Variants in PASK observed in about 807,000 individuals in gnomAD.
PASK encodes the protein PAS domain-containing serine/threonine-protein kinase.
Under a neutral mutation model 121.0 loss-of-function variants are expected in PASK, and 110 were observed. The ratio of observed to expected loss-of-function variants is 0.91; its 90% CI spans 0.78 to 1.06. The LOEUF is 1.06. Among genes scored for constraint, PASK ranks in the 50% least tolerant of loss-of-function variants. The pLI is 0.00. For synonymous variants in PASK, 686 were observed against 717.8 expected, an observed-to-expected ratio of 0.96 and a Z score of 0.71; for missense variants, 1,643 against 1,702.3, an observed-to-expected ratio of 0.97 and a Z score of 0.61.
At chr2:241,136,109 G>C (rs1390150221) in intron 7 of PASK, 70 bp from the exon 8 acceptor site, 14 of 1,366,218 alleles carry the variant, frequency 1.0e-5, no homozygotes, top group Non-Finnish European at 1.5e-5. Flanking sequence ...GTCCCCCTGG[G>C]GGAGGAATGA....
chr2:241,117,430 C>A (rs943564084), intron 12 of PASK, among the ~76,000 whole-genome samples: 1 of 152,220 alleles, frequency 6.6e-6, no homozygotes, highest in Admixed American at 6.5e-5. Context: ...GTGAAGAGGC[C>A]TGCGGCCTGT....
intron 8 of PASK, 76 bp from the exon 9 acceptor site, chr2:241,133,106 C>G (rs1382522393): frequency 7.2e-7 from 1 of 1,390,062 alleles, no homozygotes; most frequent in Non-Finnish European, 1.0e-6. Context: ...TCGCCTGGAA[C>G]TCACTGAGAC....
chr2:241,132,459 ATGCAATG>A (rs1282620758), intron 9 of PASK, among the ~76,000 whole-genome samples: 1 of 128,490 alleles, frequency 7.8e-6, no homozygotes, highest in Non-Finnish European at 1.7e-5. Context: ...GGAGCTTGCA[ATGCAATG>A]AGCAATGAGC....
chr2:241,133,191 T>C (rs1419479600), intron 8 of PASK, 161 bp from the exon 9 acceptor site: 1 of 711,260 alleles, frequency 1.4e-6, no homozygotes, highest in Non-Finnish European at 2.5e-6. Flanking sequence ...CGCCCTCTTC[T>C]CTGCCTCCTG....
chr2:241,127,185 C>T lies in PASK; in HGVS notation c.1730G>A (p.Gly577Glu), dbSNP rs777290783. ...GTCTGAACCGCTGGGACCACTGACTCCCATCCGCTCTAGCTGGGCCTTCTG... is the reference window on the plus strand; with the variant it reads ...GTCTGAACCGCTGGGACCACTGACTTCCATCCGCTCTAGCTGGGCCTTCTG... ...LCQKAQLERM[G>E]VSGPSGSDLW... The change falls in exon 10 of 18, where the codon GGA becomes GAA. Residue 577 changes from glycine (G) to glutamate (E), a missense_variant. Transcript: ENST00000234040. 5 of 1,614,234 alleles carry T rather than the reference C, an allele frequency of 3.1e-6. No individual in the cohort carries two copies. In the South Asian group the frequency reaches 5.5e-5, roughly 18 times the overall value.
At chr2:241,132,422 C>T (rs1353044332) in intron 9 of PASK, among the ~76,000 whole-genome samples, 1 of 141,572 alleles carries the variant, frequency 7.1e-6, no homozygotes, top group African/African-American at 2.6e-5. Context: ...GAGGCTGAGG[C>T]AGGAGAATGG....
At chr2:241,145,707 T>C (rs2066922280) in intron 1 of PASK, 1 of 141,100 alleles carries the variant, frequency 7.1e-6, no homozygotes, top group Non-Finnish European at 1.6e-5. Context: ...AAACCCCATC[T>C]CTACTAAAAA....
rs759886465 is a variant in PASK at position 241,136,035 on chromosome 2, A to T, written c.1142T>A (p.Ile381Asn). The change falls in exon 8 of 18, where the codon ATC (isoleucine) becomes AAC (asparagine). Residue 381 changes from isoleucine to asparagine, a missense_variant. Physicochemically the swap from Ile to Asn is moderately radical, Grantham distance 149. Coordinates refer to ENST00000234040, the MANE Select transcript of PASK (RefSeq NM_015148.4). ...YGKTELLGKNITFLIPGFYSY... is the reference protein window; with the variant it reads ...YGKTELLGKNNTFLIPGFYSY... ...GTAGAAACCAGGAATCAGGAAAGTG[A>T]TATTCTAGAAAACAAAGCAGGGACA... 3.7e-6 allele frequency: 6 copies of T among 1,613,784 alleles called. No homozygotes were observed. The East Asian group carries it at 1.1e-4, about 30-fold the overall frequency.
chr2:241,122,758 C>G lies in PASK; in HGVS notation c.3046G>C (p.Ala1016Pro). ...TCCTTGTTTTTTTCCTTGTCCACAG[C>G]AGTCCACACGAAGCCGAAGGCCCCA... is the stretch of plus-strand genomic sequence containing the variant. ...GSGAFGFVWT[A>P]VDKEKNKEVV... Residue 1016 changes from alanine to proline, a missense_variant, in exon 12 of 18, where the codon GCT (alanine) becomes CCT (proline). Coordinates refer to ENST00000234040, the MANE Select transcript of PASK (RefSeq NM_015148.4). 6 of 1,614,182 alleles carry G rather than the reference C, an allele frequency of 3.7e-6. No individual in the cohort carries two copies. The highest frequency in any genetic ancestry group is 5.1e-6 in the Non-Finnish European group (6 of 1,180,014).
In PASK at chr2:241,138,017, C is replaced by T; in HGVS notation, c.812G>A (p.Gly271Glu). The change falls in exon 6 of 18, where the codon GGG (glycine) becomes GAG (glutamate). Residue 271 changes from glycine (G) to glutamate (E), a missense_variant. Around this residue, in one of 3 missense-constraint regions of PASK, gnomAD observed 1,176 missense variants for 1,162.2 expected, o/e 1.01. Coordinates refer to ENST00000234040, the MANE Select transcript of PASK (RefSeq NM_015148.4). ...HGYVSGEDVA[G>E]QHITDLIPSV... ...AGGGATCAGGTCTGTGATATGCTGCCCAGCCACGTCCTCCCCAGACACGTA... is the reference window on the plus strand; with the variant it reads ...AGGGATCAGGTCTGTGATATGCTGCTCAGCCACGTCCTCCCCAGACACGTA... The T allele has an allele frequency of 6.2e-7, 1 of 1,614,144 alleles. No homozygotes were observed. The highest frequency in any genetic ancestry group is 8.5e-7 in the Non-Finnish European group (1 of 1,179,958).
Position 241,136,942 on chromosome 2 carries a change from C to A in PASK, c.1137+62G>T, listed in dbSNP as rs550133464. On this transcript the variant is annotated intron_variant, in intron 7 of 17. Coordinates refer to ENST00000234040, the MANE Select transcript of PASK (RefSeq NM_015148.4). ...GAGGCCTGTGCCACACGCAAGCCCG[C>A]ACTGCAGAGCACAGCAGCTTCCTCC... is the stretch of plus-strand genomic sequence containing the variant. The A allele has an allele frequency of 1.3e-5, 19 of 1,511,230 alleles. No individual in the cohort carries two copies. In the East Asian group the frequency reaches 2.7e-4, roughly 21 times the overall value. 93.6% of individuals were successfully genotyped at this position (1,511,230 alleles called of 1,614,324 possible).
At chr2:241,117,617 C>T (rs1217360223) in intron 12 of PASK, among the ~76,000 whole-genome samples, 1 of 152,230 alleles carries the variant, frequency 6.6e-6, no homozygotes, top group Non-Finnish European at 1.5e-5. Context: ...AAAACACACA[C>T]AAACATAAAC....
At chr2:241,141,610 T>G (rs1575339592) in intron 2 of PASK, among the ~76,000 whole-genome samples, 1 of 151,862 alleles carries the variant, frequency 6.6e-6, no homozygotes, top group African/African-American at 2.4e-5. Flanking sequence ...TACATCTAAT[T>G]AGAAATGCAC....
chr2:241,122,424 C>T (rs548099225), intron 12 of PASK, among the ~76,000 whole-genome samples: 2 of 152,196 alleles, frequency 1.3e-5, no homozygotes, highest in Admixed American at 6.5e-5. Context: ...GTGCAAGCCC[C>T]AGGCTCAGAA....
In PASK at chr2:241,127,034, G is replaced by C; in HGVS notation, c.1881C>G (p.Ala627=). ...WGLWWRSQDL[A]PSPSGMAGLS... is the part of the protein sequence containing the mutation. Reference sequence around the variant, plus strand: ...GGCCTGCCATCCCAGAGGGGCTGGGGGCCAAGTCCTGGCTTCGCCACCACA... The same window carrying C: ...GGCCTGCCATCCCAGAGGGGCTGGGCGCCAAGTCCTGGCTTCGCCACCACA... The change falls in exon 10 of 18, where the codon GCC becomes GCG. Residue 627 remains alanine (A), a synonymous_variant. Coordinates refer to ENST00000234040, the MANE Select transcript of PASK (RefSeq NM_015148.4). The C allele has an allele frequency of 6.2e-7, 1 of 1,614,162 alleles. No homozygotes were observed. Among genetic ancestry groups the C allele is most frequent in the Non-Finnish European group, 8.5e-7 (1 of 1,180,034 alleles).
chr2:241,149,562 C>A (rs1575368278), upstream of PASK: 3 of 1,259,906 alleles, frequency 2.4e-6, no homozygotes, highest in East Asian at 7.6e-5. Context: ...CGGGACTAAG[C>A]TAGCCAGAGT....
chr2:241,109,143 T>C (rs1015717541), intron 15 of PASK: 2 of 153,360 alleles, frequency 1.3e-5, no homozygotes, highest in Non-Finnish European at 2.9e-5. Context: ...ATTTATTTCC[T>C]GTCACCGTAA....
chr2:241,150,312 G>GGAGGC, upstream of PASK: 1 of 1,335,488 alleles, frequency 7.5e-7, no homozygotes, highest in Non-Finnish European at 9.6e-7. Context: ...CTGCTCTGGG[G>GGAGGC]GAGGCGCGGC....
chr2:241,132,335 C>G (rs1021569994), intron 9 of PASK, among the ~76,000 whole-genome samples: 1 of 151,220 alleles, frequency 6.6e-6, no homozygotes, highest in Non-Finnish European at 1.5e-5. Context: ...CCATCCTGGC[C>G]AACATGGTGA....
Sources: allele counts gnomAD v4.1 joint callset (sites outside exome capture counted in the v4.1 genomes callset), GRCh38; gene constraint gnomAD v4.1.1; regional missense constraint gnomAD v4.1.1; transcripts MANE v1.5; gene names NCBI Gene and HGNC (gene_info 2026-07-23, HGNC 2026-07-21).